Variants in SIM2 observed in about 807,000 individuals in gnomAD.
The protein encoded by SIM2 is single-minded homolog 2.
Under a neutral mutation model 64.8 loss-of-function variants are expected in SIM2, and 28 were observed. The ratio of observed to expected loss-of-function variants is 0.43; its 90% confidence interval spans 0.32 to 0.59. The LOEUF (loss-of-function observed/expected upper bound fraction) is 0.59. SIM2 is among the 20% of genes least tolerant of loss of function. SIM2 has a pLI of 0.07. For missense variants in SIM2, 847 were observed against 871.4 expected, an observed-to-expected ratio of 0.97 and a Z score of 0.35; for synonymous variants, 408 against 391.1, an observed-to-expected ratio of 1.04 and a Z score of -0.51.
At chr21:36,716,808 T>C (rs1178728959) in intron 3 of SIM2, among the ~76,000 whole-genome samples, 1 of 152,158 alleles carries the variant, frequency 6.6e-6, no homozygotes, top group Non-Finnish European at 1.5e-5. Flanking sequence ...GGAAGGTCTG[T>C]TTTAATAAGG....
At chr21:36,735,545 C>T (rs1352950504) in intron 7 of SIM2, among the ~76,000 whole-genome samples, 2 of 139,904 alleles carry the variant, frequency 1.4e-5, no homozygotes, top group Non-Finnish European at 3.1e-5. Flanking sequence ...AGCTCTGTCT[C>T]CACTCCTGGC....
intron 1 of SIM2, among the ~76,000 whole-genome samples, chr21:36,702,079 A>G (rs973624429): frequency 6.6e-6 from 1 of 152,172 alleles, no homozygotes; most frequent in Non-Finnish European, 1.5e-5. Context: ...AAAGATGCGA[A>G]GTGGTGGGTG....
rs978923944 is a variant in SIM2, at chr21:36,721,845, G to A, written c.458-1200G>A. Among the ~76,000 whole-genome samples the A allele has an allele frequency of 2.0e-5, 3 of 152,188 alleles. No homozygotes were observed. In the South Asian group the frequency reaches 6.2e-4, roughly 32 times the overall value. On this transcript the variant is annotated intron_variant, in intron 4 of 10. Coordinates refer to ENST00000290399, the MANE Select transcript of SIM2 (RefSeq NM_005069.6). The stretch of plus-strand genomic sequence containing the variant: ...CCTCCCAAAGAGGGATTATAAATGA[G>A]AGCAAATGAGTCTTGGGAATATCAT...
chr21:36,726,567 C>G lies in SIM2; in HGVS notation c.743+249C>G, dbSNP rs1416695448. ...ACTTATTGATTACTTATTTTATTTA[C>G]TTATTGATTACTTGTTTTATTTTAT... On this transcript the variant is annotated intron_variant, in intron 6 of 10. Transcript: ENST00000290399. The surrounding 1 kb of genome is among the most constrained non-coding windows in gnomAD (Gnocchi z 4.5). 6.6e-6 allele frequency among the ~76,000 whole-genome samples: 1 copy of G among 152,144 alleles called. No individual in the cohort carries two copies. The highest frequency in any genetic ancestry group is 1.9e-4 in the East Asian group (1 of 5,198).
intron 1 of SIM2, among the ~76,000 whole-genome samples, chr21:36,707,942 G>GGGGACT (rs1555873967): frequency 6.6e-6 from 1 of 152,220 alleles, no homozygotes; most frequent in Admixed American, 6.5e-5. Context: ...GACGGCAGTG[G>GGGGACT]GGGGCTGGGG....
chr21:36,729,236 G>A (rs1274409344), intron 6 of SIM2, among the ~76,000 whole-genome samples: 1 of 152,132 alleles, frequency 6.6e-6, no homozygotes, highest in Non-Finnish European at 1.5e-5. Flanking sequence ...AGAGATGCCT[G>A]GTTTTCTTTT....
At chr21:36,732,686 C>G (rs978429975) in intron 7 of SIM2, among the ~76,000 whole-genome samples, 2 of 152,206 alleles carry the variant, frequency 1.3e-5, no homozygotes, top group African/African-American at 4.8e-5. Context: ...ATCATGATCT[C>G]ATAACCATCT....
intron 1 of SIM2, among the ~76,000 whole-genome samples, chr21:36,708,070 G>T (rs1185609236): frequency 4.6e-5 from 7 of 152,206 alleles, no homozygotes; most frequent in African/African-American, 1.7e-4. Context: ...GCCGGGAGAC[G>T]CCGGGCGCGT....
Position 36,712,568 on chromosome 21 carries a change from T to C in SIM2, c.294T>C (p.Asp98=). 6.2e-7 allele frequency: 1 copy of C among 1,613,972 alleles called. No homozygotes were observed. Among genetic ancestry groups the C allele is most frequent in the Non-Finnish European group, 8.5e-7 (1 of 1,179,870 alleles). ...LDGFVFVVAS[D]GKIMYISETA... Reference sequence around the variant, plus strand: ...GATTTGTTTTTGTGGTAGCATCTGATGGCAAAATCATGTATATATCCGAGA... The same window carrying C: ...GATTTGTTTTTGTGGTAGCATCTGACGGCAAAATCATGTATATATCCGAGA... The change falls in exon 3 of 11, where the codon GAT becomes GAC. Residue 98 remains aspartate (D), a synonymous_variant. Transcript: ENST00000290399.
intron 2 of SIM2, chr21:36,709,631 T>A: frequency 2.6e-6 from 1 of 379,882 alleles, no homozygotes; most frequent in South Asian, 2.1e-5. Flanking sequence ...ATGATTGGGC[T>A]GCTCTGAGCT....
chr21:36,723,233 T>A, intron 5 of SIM2, 103 bp downstream of exon 5: 1 of 891,334 alleles, frequency 1.1e-6, no homozygotes, highest in Non-Finnish European at 1.9e-6. Flanking sequence ...AAACTCGTCA[T>A]CCCCACTAAT....
Position 36,741,630 on chromosome 21 carries a change from C to G in SIM2, c.851-87C>G, listed in dbSNP as rs939140030. 7 of 1,500,586 alleles carry G rather than the reference C, an allele frequency of 4.7e-6. 1 individual carries two copies. The Admixed American group carries it at 1.1e-4, about 24-fold the overall frequency. The allele number at this position is 1,500,586 out of a possible 1,614,324, so 93.0% of individuals were successfully genotyped here. A position where few individuals can be genotyped will look rare whatever the true frequency, so the allele number is the denominator to read the frequency against. On this transcript the variant is annotated intron_variant, in intron 7 of 10. Coordinates refer to ENST00000290399, the MANE Select transcript of SIM2 (RefSeq NM_005069.6). The stretch of plus-strand genomic sequence containing the variant: ...CCTTTGTCAAGTTCTCAGAGGTGTC[C>G]TTGGGACAGAGGTCACCGTTGGGGG...
chr21:36,719,954 A>T (rs2088801846), intron 4 of SIM2, 25 bp downstream of exon 4: 1 of 1,445,314 alleles, frequency 6.9e-7, no homozygotes, highest in Admixed American at 1.7e-5. Context: ...GGGAAAAAAA[A>T]AAACAGACTA....
At chr21:36,709,368 G>A (rs969075720) in intron 2 of SIM2, 118 bp downstream of exon 2, 1 of 862,040 alleles carries the variant, frequency 1.2e-6, no homozygotes, top group African/African-American at 1.7e-5. Context: ...AGGCTGCCGG[G>A]GGCTGGGGAT....
chr21:36,744,378 A>AGGGAGGGAGGGAAGGAAAGAC (rs1370211693), intron 9 of SIM2, among the ~76,000 whole-genome samples: 1 of 150,966 alleles, frequency 6.6e-6, no homozygotes, highest in Non-Finnish European at 1.5e-5. Context: ...GAAAGACGGA[A>AGGGAGGGAGGGAAGGAAAGAC]GGAAGGAAGG....
At chr21:36,724,076 G>T (rs1180693992) in intron 5 of SIM2, among the ~76,000 whole-genome samples, 3 of 152,252 alleles carry the variant, frequency 2.0e-5, no homozygotes, top group Non-Finnish European at 4.4e-5. Context: ...TGAGAGGAAA[G>T]GGCACTTTTG....
rs202090892 is a variant in SIM2, at chr21:36,699,827, C to T, written c.81C>T (p.Leu27=). ...AGTTTTACGAGCTTGCCAAGCTGCT[C>T]CCGCTGCCGTCGGCCATCACTTCGC... ...NGEFYELAKL[L]PLPSAITSQL... is the part of the protein sequence containing the mutation. The change falls in exon 1 of 11, where the codon CTC becomes CTT. Residue 27 remains leucine (L), a synonymous_variant. Coordinates refer to ENST00000290399, the MANE Select transcript of SIM2 (RefSeq NM_005069.6). The surrounding 1 kb of genome is among the most constrained non-coding windows in gnomAD (Gnocchi z 5.6). 4.9e-5 allele frequency: 79 copies of T among 1,611,496 alleles called. No homozygotes were observed. The Admixed American group carries it at 5.2e-4, about 11-fold the overall frequency.
intron 2 of SIM2, chr21:36,710,495 G>C (rs1336377351): frequency 6.6e-6 from 1 of 152,104 alleles, no homozygotes; most frequent in African/African-American, 2.4e-5. Flanking sequence ...CCTCATCAAC[G>C]ACCCGATTCA....
chr21:36,741,639 G>A, intron 7 of SIM2, 78 bp from the exon 8 acceptor site: 2 of 1,529,752 alleles, frequency 1.3e-6, no homozygotes, highest in Non-Finnish European at 1.8e-6. Flanking sequence ...CCTTGGGACA[G>A]AGGTCACCGT....
Sources: gnomAD v4.1 joint callset for allele counts (sites outside exome capture counted in the v4.1 genomes callset) on GRCh38, gnomAD v4.1.1 for gene constraint, Gnocchi (gnomAD v3.1) non-coding constraint, MANE v1.5 for transcripts, NCBI Gene and HGNC (gene_info 2026-07-23, HGNC 2026-07-21) for gene names.